The following COPS3 variants were observed in gnomAD, a reference collection of about 807,000 sequenced individuals.
COPS3 encodes the protein COP9 signalosome complex subunit 3.
In COPS3, 10 loss-of-function variants were observed where a neutral mutation model predicts 58.2. The ratio of observed to expected loss-of-function variants is 0.17; its 90% CI spans 0.11 to 0.29. The LOEUF is 0.29. COPS3 is among the 10% of genes least tolerant of loss of function. The probability of loss-of-function intolerance (pLI) is 1.00; values close to 1 mark genes in which losing one functional copy is unlikely to be tolerated. For synonymous variants in COPS3, 187 were observed against 181.7 expected, an observed-to-expected ratio of 1.03 and a Z score of -0.24; for missense variants, 333 against 510.1, an observed-to-expected ratio of 0.65 and a Z score of 3.34.
chr17:17,276,008 A>G lies in COPS3; in HGVS notation c.185+27T>C, dbSNP rs199658891. ...CACAGTGTTCCATTTTAACAAGCAC[A>G]GAACTATAAAAGAAGATGCTCCTTA... On this transcript the variant is annotated intron_variant, in intron 2 of 11. Transcript: ENST00000268717. 1.3e-4 allele frequency: 217 copies of G among 1,607,790 alleles called. 2 individuals carry two copies. The East Asian group carries it at 4.8e-3, about 36-fold the overall frequency.
chr17:17,249,206 T>A (rs2047786759), intron 9 of COPS3, among the ~76,000 whole-genome samples, 167 bp from the exon 10 acceptor site: 1 of 152,242 alleles, frequency 6.6e-6, no homozygotes, highest in Admixed American at 6.5e-5. Flanking sequence ...AAATACCTAC[T>A]ATTTGCTAGG....
chr17:17,280,760 G>A, intron 1 of COPS3: 1 of 1,249,030 alleles, frequency 8.0e-7, no homozygotes, highest in Non-Finnish European at 1.0e-6. Flanking sequence ...AAGATGACAT[G>A]GCGGTGCGCC....
At chr17:17,261,182 T>C (rs1010635055) in intron 7 of COPS3, among the ~76,000 whole-genome samples, 5 of 152,190 alleles carry the variant, frequency 3.3e-5, no homozygotes, top group Non-Finnish European at 7.3e-5. Flanking sequence ...CCCTCTCTCT[T>C]TCTCACACCT....
chr17:17,273,200 T>TTA (rs2048389033), intron 2 of COPS3, among the ~76,000 whole-genome samples: 1 of 152,166 alleles, frequency 6.6e-6, no homozygotes, highest in Non-Finnish European at 1.5e-5. Context: ...GGAGCAGAGT[T>TTA]TAGAGAAGAA....
chr17:17,276,930 G>A (rs936020041), intron 1 of COPS3, among the ~76,000 whole-genome samples: 1 of 152,058 alleles, frequency 6.6e-6, no homozygotes, highest in Non-Finnish European at 1.5e-5. Context: ...ATTCAATCAA[G>A]TTATTCCAAT....
chr17:17,278,069 T>C (rs1001228429), intron 1 of COPS3, among the ~76,000 whole-genome samples: 1 of 152,120 alleles, frequency 6.6e-6, no homozygotes, highest in African/African-American at 2.4e-5. Context: ...GGACAATCCT[T>C]GAACCCGGGA....
rs15316 is a variant in COPS3 at position 17,262,020 on chromosome 17, G to A, written c.708C>T (p.Gly236=). The change falls in exon 7 of 12, where the codon GGC becomes GGT. Residue 236 remains glycine (G), a synonymous_variant. Coordinates refer to ENST00000268717, the MANE Select transcript of COPS3 (RefSeq NM_003653.4). ...KYILVSLILL[G]KVQQLPKYTS... ...TATATTTTGGTAGCTGTTGTACTTTGCCAAGTAATATCAAAGACACTAAAA... is the reference window on the plus strand; with the variant it reads ...TATATTTTGGTAGCTGTTGTACTTTACCAAGTAATATCAAAGACACTAAAA... 1 of 1,606,898 alleles carries A rather than the reference G, an allele frequency of 6.2e-7. No homozygotes were observed. Among genetic ancestry groups the A allele is most frequent in the Admixed American group, 1.7e-5 (1 of 58,552 alleles).
At chr17:17,259,759 T>A (rs2048052596) in intron 8 of COPS3, among the ~76,000 whole-genome samples, 1 of 152,104 alleles carries the variant, frequency 6.6e-6, no homozygotes. Flanking sequence ...CTGGGCGTGG[T>A]GGCTCACACC....
intron 7 of COPS3, among the ~76,000 whole-genome samples, chr17:17,261,136 A>C (rs559420280): frequency 1.8e-4 from 27 of 152,266 alleles, no homozygotes; most frequent in African/African-American, 6.5e-4. Flanking sequence ...TCATATAGAG[A>C]AGAAAGGAGT....
chr17:17,258,161 G>A (rs1290374894), intron 8 of COPS3, among the ~76,000 whole-genome samples: 4 of 152,204 alleles, frequency 2.6e-5, no homozygotes, highest in East Asian at 3.8e-4. Context: ...CCCTCTGGCA[G>A]GCAGTGCTTG....
At position 17,246,844 on chromosome 17, in the gene COPS3, A is replaced by G; in HGVS notation, c.*254T>C. ...TTAATGTTCAAGCAACTTAAAACAA[A>G]AAGGTAGATTTAATGCAGTAACAAT... is the stretch of plus-strand genomic sequence containing the variant. On this transcript the variant is annotated 3_prime_UTR_variant, in exon 12 of 12. Coordinates refer to ENST00000268717, the MANE Select transcript of COPS3 (RefSeq NM_003653.4). 2 of 482,918 alleles carry G rather than the reference A, an allele frequency of 4.1e-6. No individual in the cohort carries two copies. Among genetic ancestry groups the G allele is most frequent in the South Asian group, 3.4e-5 (1 of 29,314 alleles). 29.9% of individuals were successfully genotyped at this position (482,918 alleles called of 1,614,324 possible).
intron 9 of COPS3, among the ~76,000 whole-genome samples, chr17:17,251,852 G>A (rs1012133705): frequency 2.0e-5 from 3 of 151,878 alleles, no homozygotes; most frequent in East Asian, 3.9e-4. Context: ...TTGGGAGGCC[G>A]AGGTCAGGAG....
At chr17:17,270,721 A>G (rs757198841) in intron 4 of COPS3, 37 bp downstream of exon 4, 11 of 1,525,004 alleles carry the variant, frequency 7.2e-6, no homozygotes, top group Non-Finnish European at 8.9e-6. Flanking sequence ...GTTACATATT[A>G]TAACAAAACT....
chr17:17,249,627 G>A (rs1428163657), intron 9 of COPS3, among the ~76,000 whole-genome samples: 1 of 152,164 alleles, frequency 6.6e-6, no homozygotes, highest in Non-Finnish European at 1.5e-5. Context: ...TAAGTAGCTA[G>A]CATTACAGGC....
chr17:17,271,852 A>ATG (rs1567860731), intron 2 of COPS3, among the ~76,000 whole-genome samples: 1 of 142,870 alleles, frequency 7.0e-6, no homozygotes, highest in African/African-American at 2.6e-5. Context: ...ATATATATAT[A>ATG]TATATACACA....
At chr17:17,270,244 C>G (rs1039154900) in intron 4 of COPS3, among the ~76,000 whole-genome samples, 1 of 151,496 alleles carries the variant, frequency 6.6e-6, no homozygotes, top group African/African-American at 2.4e-5. Flanking sequence ...TAGGCTTTAC[C>G]CACTGAAGTA....
At chr17:17,271,619 A>G (rs962101714) in intron 2 of COPS3, among the ~76,000 whole-genome samples, 2 of 151,784 alleles carry the variant, frequency 1.3e-5, no homozygotes, top group African/African-American at 4.8e-5. Context: ...CGGGAGTTCG[A>G]GACCAGCCTG....
At chr17:17,259,900 G>GAGA (rs1555618316) in intron 8 of COPS3, among the ~76,000 whole-genome samples, 1 of 147,176 alleles carries the variant, frequency 6.8e-6, no homozygotes, top group African/African-American at 2.5e-5. Flanking sequence ...TGTCAAGAGA[G>GAGA]AAAAAAAAAA....
intron 9 of COPS3, among the ~76,000 whole-genome samples, chr17:17,250,016 C>T (rs1216505757): frequency 2.6e-5 from 4 of 152,170 alleles, no homozygotes; most frequent in South Asian, 2.1e-4. Context: ...GGAGCATTTT[C>T]GTCACCCCAG....
Sources: gnomAD v4.1 joint callset for allele counts (sites outside exome capture counted in the v4.1 genomes callset) on GRCh38, gnomAD v4.1.1 for gene constraint, MANE v1.5 for transcripts, NCBI Gene and HGNC (gene_info 2026-07-23, HGNC 2026-07-21) for gene names.